Variants in PHACTR3 observed in about 807,000 individuals in gnomAD.
The protein encoded by PHACTR3 is phosphatase and actin regulator 3, also known as protein phosphatase 1, regulatory subunit 123.
In PHACTR3, 16 loss-of-function variants were observed where a neutral mutation model predicts 66.8. The ratio of observed to expected loss-of-function variants is 0.24; its 90% CI spans 0.16 to 0.36. PHACTR3 has a LOEUF of 0.36. Among genes scored for constraint, PHACTR3 ranks in the 10% least tolerant of loss-of-function variants. The pLI is 1.00. For missense variants in PHACTR3, 647 were observed against 719.9 expected (o/e 0.90, Z 1.16); for synonymous variants, 323 against 292.1 (o/e 1.11, Z -1.08).
chr20:59,606,697 G>T (rs184488575), intron 1 of PHACTR3, among the ~76,000 whole-genome samples: 27 of 152,258 alleles, frequency 1.8e-4, no homozygotes, highest in Non-Finnish European at 3.2e-4. Flanking sequence ...AATTATGGAG[G>T]ACTTGGCTTT....
At chr20:59,606,609 G>A (rs1303924109) in intron 1 of PHACTR3, among the ~76,000 whole-genome samples, 1 of 152,230 alleles carries the variant, frequency 6.6e-6, no homozygotes, top group East Asian at 1.9e-4. Context: ...AATCATGGAA[G>A]TTGAGTGGCT....
At chr20:59,775,541 G>C (rs955843050) in intron 7 of PHACTR3, among the ~76,000 whole-genome samples, 1 of 152,120 alleles carries the variant, frequency 6.6e-6, no homozygotes, top group South Asian at 2.1e-4. Flanking sequence ...TTTCCACCGG[G>C]TCCGAGGAAG....
At chr20:59,645,364 C>T (rs1164626540) in intron 1 of PHACTR3, among the ~76,000 whole-genome samples, 2 of 151,826 alleles carry the variant, frequency 1.3e-5, no homozygotes, top group Non-Finnish European at 2.9e-5. Context: ...CTTGTGGAAT[C>T]ATGAGGGAGG....
At chr20:59,600,114 C>A (rs563167374), upstream of PHACTR3, among the ~76,000 whole-genome samples, 2 of 152,324 alleles carry the variant, frequency 1.3e-5, no homozygotes, top group African/African-American at 4.8e-5. Context: ...CTGCTCCCAC[C>A]TCATGGTCTT....
intron 1 of PHACTR3, among the ~76,000 whole-genome samples, chr20:59,714,862 T>C (rs1191813855): frequency 1.3e-5 from 2 of 152,216 alleles, no homozygotes; most frequent in Admixed American, 6.5e-5. Flanking sequence ...TTCTCAATAA[T>C]GTATTCTATG....
intron 1 of PHACTR3, among the ~76,000 whole-genome samples, chr20:59,661,082 A>G (rs2035789576): frequency 6.6e-6 from 1 of 152,240 alleles, no homozygotes; most frequent in Middle Eastern, 3.2e-3. Flanking sequence ...GCAGTGGATT[A>G]TGCCAGTTTC....
At chr20:59,706,982 G>C (rs1445296285) in intron 1 of PHACTR3, among the ~76,000 whole-genome samples, 1 of 152,212 alleles carries the variant, frequency 6.6e-6, no homozygotes, top group African/African-American at 2.4e-5. Flanking sequence ...TCTAACTAAA[G>C]AGAATATGAA....
At chr20:59,677,249 A>T (rs1300351833) in intron 1 of PHACTR3, among the ~76,000 whole-genome samples, 1 of 152,170 alleles carries the variant, frequency 6.6e-6, no homozygotes, top group African/African-American at 2.4e-5. Context: ...GAGGTTTCCC[A>T]CAGTGGAGAT....
intron 1 of PHACTR3, among the ~76,000 whole-genome samples, chr20:59,667,958 G>A (rs913604623): frequency 7.9e-5 from 12 of 152,244 alleles, no homozygotes; most frequent in Non-Finnish European, 2.9e-5. Flanking sequence ...GAAAGTCGCT[G>A]TCCTTCCTAG....
intron 1 of PHACTR3, among the ~76,000 whole-genome samples, chr20:59,703,874 ATAGT>A (rs1384567279): frequency 5.3e-5 from 8 of 152,142 alleles, no homozygotes; most frequent in African/African-American, 1.9e-4. Flanking sequence ...CAAAGTCTAG[ATAGT>A]TCTCTATATT....
intron 8 of PHACTR3, among the ~76,000 whole-genome samples, chr20:59,834,507 C>T (rs2042469750): frequency 6.6e-6 from 1 of 152,226 alleles, no homozygotes; most frequent in Non-Finnish European, 1.5e-5. Context: ...ATTCCTTCTC[C>T]AAGACCCTTG....
intron 1 of PHACTR3, among the ~76,000 whole-genome samples, chr20:59,640,342 G>A (rs775398797): frequency 6.6e-6 from 1 of 152,214 alleles, no homozygotes. Flanking sequence ...AAGGGTTGGA[G>A]GACAAGGTGT....
intron 1 of PHACTR3, among the ~76,000 whole-genome samples, chr20:59,686,871 TGTG>T (rs1352460377): frequency 8.8e-5 from 6 of 67,910 alleles, no homozygotes; most frequent in Admixed American, 2.9e-4. Context: ...TGGTGGTGAT[TGTG>T]ATGATGGTGG....
intron 1 of PHACTR3, among the ~76,000 whole-genome samples, chr20:59,636,579 T>C (rs1266218979): frequency 1.3e-5 from 2 of 152,286 alleles, no homozygotes; most frequent in African/African-American, 4.8e-5. Flanking sequence ...GGGGCTCTGC[T>C]TACTGGCTGT....
chr20:59,673,509 AGCCT>A (rs1194758125), intron 1 of PHACTR3, among the ~76,000 whole-genome samples: 1 of 152,110 alleles, frequency 6.6e-6, no homozygotes, highest in African/African-American at 2.4e-5. Context: ...ACCTGCTCAC[AGCCT>A]GGGCTTCTGG....
intron 1 of PHACTR3, among the ~76,000 whole-genome samples, chr20:59,735,116 A>G (rs1242729822): frequency 1.3e-5 from 2 of 152,126 alleles, no homozygotes; most frequent in Non-Finnish European, 2.9e-5. Context: ...TAAGGACTCA[A>G]AGAAGAAATA....
intron 1 of PHACTR3, among the ~76,000 whole-genome samples, chr20:59,740,552 ATCC>A (rs2039115657): frequency 6.6e-6 from 1 of 151,316 alleles, no homozygotes; most frequent in Non-Finnish European, 1.5e-5. Context: ...TAGCCTTGGC[ATCC>A]CAAAGCATTA....
chr20:59,595,094 C>T (rs1022971073), intron 1 of PHACTR3, among the ~76,000 whole-genome samples: 18 of 152,146 alleles, frequency 1.2e-4, no homozygotes, highest in African/African-American at 4.3e-4. Flanking sequence ...TGAGATTTTC[C>T]AGTTATCTTT....
At chr20:59,620,372 T>C (rs1310260188) in intron 1 of PHACTR3, among the ~76,000 whole-genome samples, 1 of 152,172 alleles carries the variant, frequency 6.6e-6, no homozygotes, top group Non-Finnish European at 1.5e-5. Flanking sequence ...ATTGAGTCCA[T>C]TTTTCTGCTA....
Sources: allele counts gnomAD v4.1 joint callset (sites outside exome capture counted in the v4.1 genomes callset), GRCh38; gene constraint gnomAD v4.1.1; transcripts MANE v1.5; gene names NCBI Gene and HGNC (gene_info 2026-07-23, HGNC 2026-07-21).